INPP5B: variants seen among roughly 807,000 people sequenced by gnomAD.
The protein encoded by INPP5B is inositol polyphosphate-5-phosphatase B.
Under a neutral mutation model 118.5 loss-of-function variants are expected in INPP5B, and 90 were observed. That is an observed-to-expected ratio of 0.76 (90% confidence interval 0.64 to 0.90). INPP5B has a LOEUF of 0.90. Among genes scored for constraint, INPP5B ranks in the 40% least tolerant of loss-of-function variants. The probability of loss-of-function intolerance (pLI) is 0.00; values close to 1 mark genes in which losing one functional copy is unlikely to be tolerated. For missense variants in INPP5B, 984 were observed against 1,125.6 expected, an observed-to-expected ratio of 0.87 and a Z score of 1.80; for synonymous variants, 385 against 418.9, an observed-to-expected ratio of 0.92 and a Z score of 0.99.
intron 7 of INPP5B, chr1:37,928,937 G>A (rs1259504837): frequency 6.6e-6 from 1 of 151,960 alleles, no homozygotes; most frequent in African/African-American, 2.4e-5. Context: ...GCAGCCCAAA[G>A]GGTTCTTCCC....
At chr1:37,921,266 C>A (rs1645044135) in intron 7 of INPP5B, among the ~76,000 whole-genome samples, 1 of 152,128 alleles carries the variant, frequency 6.6e-6, no homozygotes, top group Admixed American at 6.5e-5. Flanking sequence ...AGACTTCAAA[C>A]GCCATGTAGA....
chr1:37,899,286 C>T (rs1054005430), intron 7 of INPP5B, among the ~76,000 whole-genome samples: 3 of 151,262 alleles, frequency 2.0e-5, no homozygotes, highest in East Asian at 2.0e-4. Context: ...TGAGGCCAGA[C>T]GCAGTGGCTC....
At chr1:37,906,263 C>A (rs1011338266) in intron 7 of INPP5B, among the ~76,000 whole-genome samples, 2 of 152,148 alleles carry the variant, frequency 1.3e-5, no homozygotes, top group African/African-American at 4.8e-5. Flanking sequence ...CACTTTCTGA[C>A]AGGCCCAGGA....
rs555242310 is a variant in INPP5B, at chr1:37,888,870, C to T, written c.798-526G>A. The stretch of plus-strand genomic sequence containing the variant: ...CTTGCCTAAAAAGATTACCAAACAC[C>T]AGCTAACTTCATTTTAGTAATTTCA... On this transcript the variant is annotated intron_variant, in intron 9 of 23. Transcript: ENST00000373024. 2.6e-5 allele frequency among the ~76,000 whole-genome samples: 4 copies of T among 152,232 alleles called. No homozygotes were observed. The South Asian group carries it at 8.3e-4, about 32-fold the overall frequency.
Position 37,869,536 on chromosome 1 carries a change from G to A in INPP5B, c.2188-922C>T, listed in dbSNP as rs1028628878. 4.6e-5 allele frequency among the ~76,000 whole-genome samples: 7 copies of A among 151,464 alleles called. No homozygotes were observed. In the South Asian group the frequency reaches 1.5e-3, roughly 32 times the overall value. On this transcript the variant is annotated intron_variant, in intron 19 of 23. Coordinates refer to ENST00000373024, the MANE Select transcript of INPP5B (RefSeq NM_005540.3). ...TGCTCTGTCGCCCAGGCTCAGTGCA[G>A]TGGTGCGATCTCGGCTCACTGCAAC...
Position 37,875,675 on chromosome 1 carries a change from C to T in INPP5B, c.1719G>A (p.Glu573=). Residue 573 remains glutamate (E), a synonymous_variant, in exon 17 of 24, where the codon GAG becomes GAA. Coordinates refer to ENST00000373024, the MANE Select transcript of INPP5B (RefSeq NM_005540.3). The stretch of plus-strand genomic sequence containing the variant: ...TCTTATCCAGGGAGCGAACAATTTC[C>T]TCCAGTGTCTTCCGGTAAAGCTCGT... The part of the protein sequence containing the change: ...VNDELYRKTL[E]EIVRSLDKME... 1 of 1,614,212 alleles carries T rather than the reference C, an allele frequency of 6.2e-7. No homozygotes were observed. Among genetic ancestry groups the T allele is most frequent in the Non-Finnish European group, 8.5e-7 (1 of 1,180,024 alleles).
intron 7 of INPP5B, among the ~76,000 whole-genome samples, chr1:37,902,627 G>A (rs375794958): frequency 8.6e-5 from 13 of 151,848 alleles, no homozygotes; most frequent in African/African-American, 2.9e-4. Context: ...GCACAATCTC[G>A]GCTCACTGCA....
chr1:37,931,608 G>C (rs563295134), intron 7 of INPP5B: 1 of 1,535,592 alleles, frequency 6.5e-7, no homozygotes, highest in Non-Finnish European at 8.7e-7. Flanking sequence ...CTGCCCACCC[G>C]AGGGCCGGGC....
chr1:37,872,334 C>T (rs1005481491), intron 19 of INPP5B, among the ~76,000 whole-genome samples: 2 of 142,882 alleles, frequency 1.4e-5, no homozygotes, highest in African/African-American at 2.6e-5. Flanking sequence ...CACGTCATTG[C>T]ACTCCAGCCT....
intron 7 of INPP5B, among the ~76,000 whole-genome samples, chr1:37,924,429 A>T (rs923921808): frequency 4.8e-4 from 73 of 151,600 alleles, no homozygotes; most frequent in Non-Finnish European, 8.7e-4. Context: ...TCAGCCTCCC[A>T]AAGTGCTGGG....
chr1:37,886,602 C>G (rs1643550844), intron 12 of INPP5B, among the ~76,000 whole-genome samples: 2 of 152,156 alleles, frequency 1.3e-5, no homozygotes, highest in South Asian at 4.1e-4. Flanking sequence ...TCTGAATGAC[C>G]CAGCATAGTT....
chr1:37,887,380 C>A lies in INPP5B; in HGVS notation c.985G>T (p.Gly329Cys), dbSNP rs1643603915. ...EEEWFKAVSE[G>C]LHPDAKYAKV... is the part of the protein sequence containing the mutation. ...GCATATTTGGCATCTGGATGAAGACCCTCTGACACAGCTTTGAACCACTCT... is the reference window on the plus strand; with the variant it reads ...GCATATTTGGCATCTGGATGAAGACACTCTGACACAGCTTTGAACCACTCT... The change falls in exon 11 of 24, where the codon GGT becomes TGT. Residue 329 changes from glycine to cysteine, a missense_variant. Coordinates refer to ENST00000373024, the MANE Select transcript of INPP5B (RefSeq NM_005540.3). The A allele has an allele frequency of 6.2e-7, 1 of 1,612,416 alleles. No homozygotes were observed. Among genetic ancestry groups the A allele is most frequent in the Admixed American group, 1.7e-5 (1 of 59,894 alleles).
In INPP5B at chr1:37,862,404, G is replaced by T; in HGVS notation, c.2653C>A (p.Arg885=). 6.2e-7 allele frequency: 1 copy of T among 1,613,378 alleles called. No homozygotes were observed. Among genetic ancestry groups the T allele is most frequent in the South Asian group, 1.1e-5 (1 of 91,058 alleles). The change falls in exon 24 of 24, where the codon CGA becomes AGA. Residue 885 remains arginine (R), a synonymous_variant. Transcript: ENST00000373024. ...AGCTTTTGGTGACCAGCTGGGTTTC[G>T]AAGCAATAAGCTGCCAAATATGCTA... ...LASIFGSLLL[R]NPAGHQKLDM...
intron 7 of INPP5B, among the ~76,000 whole-genome samples, chr1:37,894,007 G>A (rs538799989): frequency 6.6e-6 from 1 of 152,312 alleles, no homozygotes; most frequent in Admixed American, 6.5e-5. Context: ...TCTTGCAACT[G>A]TTCAACTCTG....
intron 10 of INPP5B, 80 bp downstream of exon 10, chr1:37,888,163 C>T (rs1643644097): frequency 1.2e-6 from 1 of 822,474 alleles, no homozygotes; most frequent in Admixed American, 3.1e-5. Context: ...TCAAATCCTT[C>T]ACCTGTTGTG....
intron 11 of INPP5B, 48 bp downstream of exon 11, chr1:37,887,303 T>G: frequency 9.0e-7 from 1 of 1,105,114 alleles, no homozygotes; most frequent in Non-Finnish European, 1.4e-6. Flanking sequence ...TCTTGGAATT[T>G]CCCTGCATGG....
At chr1:37,927,001 C>T (rs2148650958) in intron 7 of INPP5B, among the ~76,000 whole-genome samples, 1 of 152,200 alleles carries the variant, frequency 6.6e-6, no homozygotes, top group South Asian at 2.1e-4. Context: ...ATGTTAAGAA[C>T]AGTGAGGCCA....
At chr1:37,878,470 C>A in intron 15 of INPP5B, 147 bp from the exon 16 acceptor site, 2 of 1,452,334 alleles carry the variant, frequency 1.4e-6, no homozygotes, top group Non-Finnish European at 1.8e-6. Context: ...GCAATTCGGG[C>A]CCACCAAGGG....
intron 18 of INPP5B, chr1:37,873,511 G>A: frequency 2.9e-6 from 1 of 347,698 alleles, no homozygotes; most frequent in Non-Finnish European, 5.4e-6. Flanking sequence ...GACTGACTCA[G>A]TAGAAGTGTA....
Sources: gnomAD v4.1 joint callset for allele counts (sites outside exome capture counted in the v4.1 genomes callset) on GRCh38, gnomAD v4.1.1 for gene constraint, MANE v1.5 for transcripts, NCBI Gene and HGNC (gene_info 2026-07-23, HGNC 2026-07-21) for gene names.